Variants in PTPRG observed in about 807,000 individuals in gnomAD.
PTPRG encodes protein tyrosine phosphatase receptor type G, also known as receptor-type tyrosine-protein phosphatase gamma.
Under a neutral mutation model 165.3 loss-of-function variants are expected in PTPRG, and 102 were observed. The observed-to-expected ratio is 0.62, with a 90% CI of 0.53 to 0.73. PTPRG has a LOEUF of 0.73. PTPRG is among the 30% of genes least tolerant of loss of function. The pLI is 0.00. For synonymous variants in PTPRG, 675 were observed against 669.5 expected (o/e 1.01, Z -0.13); for missense variants, 1,866 against 1,861.4 (o/e 1.00, Z -0.05).
At chr3:61,985,716 T>A (rs887370084) in intron 2 of PTPRG, among the ~76,000 whole-genome samples, 5 of 152,188 alleles carry the variant, frequency 3.3e-5, no homozygotes, top group African/African-American at 1.2e-4. Flanking sequence ...CTAAATTTCT[T>A]CTTTGATTGA....
chr3:61,821,029 T>A (rs1226583634), intron 2 of PTPRG, among the ~76,000 whole-genome samples: 1 of 152,208 alleles, frequency 6.6e-6, no homozygotes, highest in Non-Finnish European at 1.5e-5. Context: ...GTCTACATTT[T>A]GCAGTATTCT....
At chr3:61,817,066 T>C (rs1006446695) in intron 2 of PTPRG, among the ~76,000 whole-genome samples, 1 of 133,414 alleles carries the variant, frequency 7.5e-6, no homozygotes, top group African/African-American at 2.8e-5. Flanking sequence ...TAATATATAA[T>C]ACATATATTA....
rs140019903 is a variant in PTPRG, at chr3:62,074,180, AGTGTGTGTGT to A, written c.520-3960_520-3951del. ...CAGATGATTGAGGAAAAAAAGTGAG[AGTGTGTGTGT>A]GTGTGTGTGTGTGTGTGTGTGTATA... is the stretch of plus-strand genomic sequence containing the variant. On this transcript the variant is annotated intron_variant, in intron 4 of 29. Coordinates refer to ENST00000474889, the MANE Select transcript of PTPRG (RefSeq NM_002841.4). Among the ~76,000 whole-genome samples the A allele has an allele frequency of 1.1e-3, 161 of 143,688 alleles. 8 individuals are homozygous for A. Among genetic ancestry groups the A allele is most frequent in the African/African-American group, 6.6e-4 (25 of 38,152 alleles). The allele number at this position is 143,688 out of a possible 152,430, so 94.3% of individuals were successfully genotyped here. A position where few individuals can be genotyped will look rare whatever the true frequency, so the allele number is the denominator to read the frequency against.
At chr3:62,085,631 C>A (rs1701727657) in intron 5 of PTPRG, among the ~76,000 whole-genome samples, 1 of 152,130 alleles carries the variant, frequency 6.6e-6, no homozygotes. Flanking sequence ...GAGTTAGCTT[C>A]TGTGTGTTTT....
At chr3:62,251,208 T>G (rs997269567) in intron 15 of PTPRG, among the ~76,000 whole-genome samples, 1 of 152,146 alleles carries the variant, frequency 6.6e-6, no homozygotes, top group Non-Finnish European at 1.5e-5. Flanking sequence ...CTGGACAACA[T>G]AGTGAGACCC....
At chr3:61,610,388 A>T (rs1221980528) in intron 1 of PTPRG, among the ~76,000 whole-genome samples, 2 of 152,130 alleles carry the variant, frequency 1.3e-5, no homozygotes, top group African/African-American at 4.8e-5. Flanking sequence ...TGGTAGATGT[A>T]TTGTCATTGT....
intron 4 of PTPRG, among the ~76,000 whole-genome samples, chr3:62,058,894 G>T (rs1700716626): frequency 6.6e-6 from 1 of 152,202 alleles, no homozygotes; most frequent in Non-Finnish European, 1.5e-5. Context: ...ACTGCATTAT[G>T]ATCCCTGCTG....
rs902627398 is a variant in PTPRG, at chr3:62,198,129, A to G, written c.1327+2959A>G. On this transcript the variant is annotated intron_variant, in intron 10 of 29. Transcript: ENST00000474889. ...TAGGTTGTATGTAACATTGCAATAA[A>G]TATGTTTACCTTACTGTGGAAAATA... 3.3e-5 allele frequency among the ~76,000 whole-genome samples: 5 copies of G among 152,250 alleles called. No individual in the cohort carries two copies. The East Asian group carries it at 9.6e-4, about 29-fold the overall frequency.
intron 8 of PTPRG, among the ~76,000 whole-genome samples, chr3:62,185,471 C>T (rs1705841036): frequency 6.6e-6 from 1 of 152,138 alleles, no homozygotes; most frequent in South Asian, 2.1e-4. Context: ...GGTGTGCCCT[C>T]GAGAGTGCTC....
At chr3:62,172,961 A>G (rs1705274453) in intron 8 of PTPRG, among the ~76,000 whole-genome samples, 1 of 152,160 alleles carries the variant, frequency 6.6e-6, no homozygotes, top group Non-Finnish European at 1.5e-5. Flanking sequence ...TAAGGGCCAG[A>G]TAGTAAATGT....
intron 1 of PTPRG, among the ~76,000 whole-genome samples, chr3:61,745,389 C>T (rs2033159447): frequency 6.6e-6 from 1 of 152,150 alleles, no homozygotes; most frequent in Non-Finnish European, 1.5e-5. Flanking sequence ...GCGCTGATTT[C>T]CATTGTGAGT....
At chr3:62,114,591 G>C (rs1184469801) in intron 5 of PTPRG, among the ~76,000 whole-genome samples, 1 of 152,160 alleles carries the variant, frequency 6.6e-6, no homozygotes, top group Non-Finnish European at 1.5e-5. Flanking sequence ...GAGTCAGTAA[G>C]AAGCAGAATA....
At chr3:62,070,872 T>A (rs1701186300) in intron 4 of PTPRG, among the ~76,000 whole-genome samples, 1 of 152,082 alleles carries the variant, frequency 6.6e-6, no homozygotes, top group African/African-American at 2.4e-5. Flanking sequence ...GAAAAATACG[T>A]TTCCCAGGTT....
rs17065327 is a variant in PTPRG at position 61,765,061 on chromosome 3, T to C, written c.190+16079T>C. Among the ~76,000 whole-genome samples the C allele has an allele frequency of 1.6e-3, 246 of 152,288 alleles. 4 individuals are homozygous for C. In the East Asian group the frequency reaches 0.043, roughly 27 times the overall value. On this transcript the variant is annotated intron_variant, in intron 2 of 29. Transcript: ENST00000474889. ...ACCAGAATCCATCGTTTTTACACAG[T>C]TGGTCTCCATGCTGCTGTGAGGTTC... is the stretch of plus-strand genomic sequence containing the variant.
intron 2 of PTPRG, among the ~76,000 whole-genome samples, chr3:61,922,619 A>G (rs560842769): frequency 7.2e-5 from 11 of 152,204 alleles, no homozygotes; most frequent in Non-Finnish European, 1.5e-4. Context: ...CAGCTGTCAT[A>G]TAACTTGCTC....
At chr3:62,003,729 C>G (rs1247804239) in intron 4 of PTPRG, among the ~76,000 whole-genome samples, 1 of 152,168 alleles carries the variant, frequency 6.6e-6, no homozygotes, top group South Asian at 2.1e-4. Flanking sequence ...AGTAGACTCA[C>G]TACTGGTTGA....
At chr3:61,572,957 G>A (rs1288876059) in intron 1 of PTPRG, among the ~76,000 whole-genome samples, 2 of 152,196 alleles carry the variant, frequency 1.3e-5, no homozygotes, top group African/African-American at 2.4e-5. Context: ...ATAACCATGT[G>A]CGTGGGCACA....
At chr3:61,690,842 G>A (rs780044912) in intron 1 of PTPRG, among the ~76,000 whole-genome samples, 6 of 151,830 alleles carry the variant, frequency 4.0e-5, no homozygotes, top group East Asian at 1.9e-4. Flanking sequence ...ATTAATAGAT[G>A]ATACAGTCAA....
intron 4 of PTPRG, among the ~76,000 whole-genome samples, chr3:62,043,274 C>T (rs1467375426): frequency 6.6e-6 from 1 of 152,152 alleles, no homozygotes; most frequent in Non-Finnish European, 1.5e-5. Flanking sequence ...GCTTTGTTCT[C>T]TAAAACATAA....
Sources: allele counts gnomAD v4.1 joint callset (sites outside exome capture counted in the v4.1 genomes callset), GRCh38; gene constraint gnomAD v4.1.1; transcripts MANE v1.5; gene names NCBI Gene and HGNC (gene_info 2026-07-23, HGNC 2026-07-21).